CSTF3: variants seen among roughly 807,000 people sequenced by gnomAD.
CSTF3 encodes cleavage stimulation factor subunit 3.
A neutral mutation model predicts 105.8 loss-of-function variants in CSTF3; 29 were observed. That is an observed-to-expected ratio of 0.27 (90% confidence interval 0.20 to 0.37). The LOEUF is 0.37. CSTF3 is among the 10% of genes least tolerant of loss of function. The pLI is 1.00. For missense variants in CSTF3, 357 were observed against 879.3 expected, an observed-to-expected ratio of 0.41 and a Z score of 7.51; for synonymous variants, 252 against 281.9, an observed-to-expected ratio of 0.89 and a Z score of 1.06.
chr11:33,103,482 T>A (rs1275198616), intron 8 of CSTF3, among the ~76,000 whole-genome samples: 1 of 151,928 alleles, frequency 6.6e-6, no homozygotes, highest in East Asian at 1.9e-4. Context: ...AAGATTCTAC[T>A]GAAAAAAAAA....
intron 3 of CSTF3, among the ~76,000 whole-genome samples, chr11:33,124,585 A>G (rs1590275631): frequency 6.6e-6 from 1 of 152,192 alleles, no homozygotes; most frequent in South Asian, 2.1e-4. Flanking sequence ...CCACCAATTC[A>G]AATTCCAGTA....
At chr11:33,098,869 T>C (rs1476347921) in intron 12 of CSTF3, 105 bp from the exon 13 acceptor site, 4 of 1,231,006 alleles carry the variant, frequency 3.2e-6, no homozygotes, top group Non-Finnish European at 4.5e-6. Flanking sequence ...CAATGGCATC[T>C]CCATTGAGCA....
intron 1 of CSTF3, among the ~76,000 whole-genome samples, chr11:33,142,988 A>G (rs549343282): frequency 6.6e-6 from 1 of 152,312 alleles, no homozygotes; most frequent in East Asian, 1.9e-4. Context: ...AGATCCTCTG[A>G]AAGTCCTTAG....
At chr11:33,154,809 T>C (rs1409003124) in intron 1 of CSTF3, among the ~76,000 whole-genome samples, 4 of 152,068 alleles carry the variant, frequency 2.6e-5, no homozygotes, top group Admixed American at 6.6e-5. Context: ...GAGACTTTCA[T>C]AGAGGAGTAA....
chr11:33,141,316 T>G, intron 3 of CSTF3: 1 of 340,078 alleles, frequency 2.9e-6, no homozygotes, highest in Non-Finnish European at 4.6e-6. Flanking sequence ...TTTCATATAC[T>G]CCCATTCATA....
chr11:33,091,610 G>A lies in CSTF3; in HGVS notation c.1445+661C>T, dbSNP rs78605845. ...AGACATAATATGTAAAACAAACTTTGAATTTACAAGAGTCTTTGCTTTTGA... is the reference window on the plus strand; with the variant it reads ...AGACATAATATGTAAAACAAACTTTAAATTTACAAGAGTCTTTGCTTTTGA... On this transcript the variant is annotated intron_variant, in intron 16 of 20. Coordinates refer to ENST00000323959, the MANE Select transcript of CSTF3 (RefSeq NM_001326.3). 2.4e-3 allele frequency among the ~76,000 whole-genome samples: 373 copies of A among 152,252 alleles called. 1 individual carries two copies. Among genetic ancestry groups the A allele is most frequent in the African/African-American group, 8.3e-3 (347 of 41,558 alleles).
chr11:33,085,674 CG>C, intron 20 of CSTF3, 38 bp downstream of exon 20: 1 of 1,535,070 alleles, frequency 6.5e-7, no homozygotes, highest in African/African-American at 1.4e-5. Flanking sequence ...GAGACAACAA[CG>C]TGGAATGACA....
chr11:33,095,081 G>T (rs1855205574), intron 15 of CSTF3, among the ~76,000 whole-genome samples: 1 of 151,964 alleles, frequency 6.6e-6, no homozygotes, highest in Non-Finnish European at 1.5e-5. Context: ...TATATTTTTA[G>T]TAGAGACAGG....
intron 5 of CSTF3, among the ~76,000 whole-genome samples, 194 bp from the exon 6 acceptor site, chr11:33,106,258 T>C (rs998245996): frequency 4.6e-5 from 7 of 151,560 alleles, no homozygotes; most frequent in Admixed American, 4.6e-4. Context: ...AAAATAAAAA[T>C]TAAAAAAATT....
chr11:33,125,910 A>G (rs192771966), intron 3 of CSTF3, among the ~76,000 whole-genome samples: 5 of 152,276 alleles, frequency 3.3e-5, no homozygotes, highest in African/African-American at 9.6e-5. Flanking sequence ...TTAGTGCTGT[A>G]AGTTCAATGT....
rs1193332517 is a variant in CSTF3 at position 33,099,280 on chromosome 11, T to C, written c.937-130A>G. ...AAGCATACATGTATGTACACACATA[T>C]ATATGTATCCACACACACACATACA... is the stretch of plus-strand genomic sequence containing the variant. On this transcript the variant is annotated intron_variant, in intron 11 of 20. Transcript: ENST00000323959. The surrounding 1 kb of genome is among the most constrained non-coding windows in gnomAD (Gnocchi z 4.1). 13 of 1,143,474 alleles carry C rather than the reference T, an allele frequency of 1.1e-5. No individual in the cohort carries two copies. Among genetic ancestry groups the C allele is most frequent in the Non-Finnish European group, 1.6e-5 (13 of 821,170 alleles). 70.8% of individuals were successfully genotyped at this position (1,143,474 alleles called of 1,614,324 possible).
At chr11:33,112,740 C>T (rs958182853) in intron 3 of CSTF3, among the ~76,000 whole-genome samples, 1 of 152,042 alleles carries the variant, frequency 6.6e-6, no homozygotes, top group Non-Finnish European at 1.5e-5. Flanking sequence ...AACATCTTAG[C>T]TATAAGTATT....
intron 3 of CSTF3, among the ~76,000 whole-genome samples, chr11:33,129,646 G>T (rs1043201651): frequency 4.6e-5 from 7 of 152,160 alleles, no homozygotes; most frequent in African/African-American, 1.4e-4. Flanking sequence ...TTAAGGACTA[G>T]TCCTCCACAT....
intron 9 of CSTF3, 46 bp from the exon 10 acceptor site, chr11:33,102,385 G>A: frequency 2.5e-6 from 4 of 1,590,718 alleles, no homozygotes; most frequent in Non-Finnish European, 3.4e-6. Flanking sequence ...AGGAACAACT[G>A]AGATATATGG....
intron 3 of CSTF3, among the ~76,000 whole-genome samples, chr11:33,111,391 C>G (rs1026056573): frequency 6.6e-6 from 1 of 151,990 alleles, no homozygotes; most frequent in East Asian, 1.9e-4. Flanking sequence ...ATGTATTCAG[C>G]TTTAACAGGT....
At chr11:33,108,284 T>C (rs1855346235) in intron 4 of CSTF3, 102 bp downstream of exon 4, 6 of 1,078,624 alleles carry the variant, frequency 5.6e-6, no homozygotes, top group Non-Finnish European at 7.5e-6. Context: ...AAAAAATCAC[T>C]ATCTAGATTC....
intron 3 of CSTF3, among the ~76,000 whole-genome samples, chr11:33,109,417 A>G (rs1434841432): frequency 6.6e-6 from 1 of 152,150 alleles, no homozygotes; most frequent in Non-Finnish European, 1.5e-5. Context: ...TTTTGCTGAT[A>G]ACTTGTTCTC....
intron 3 of CSTF3, among the ~76,000 whole-genome samples, chr11:33,119,358 T>C (rs943520934): frequency 1.3e-5 from 2 of 151,880 alleles, no homozygotes; most frequent in African/African-American, 2.4e-5. Context: ...CATGTAACTT[T>C]CTTGTTGGCA....
chr11:33,154,147 T>C (rs1423085446), intron 1 of CSTF3, among the ~76,000 whole-genome samples: 1 of 152,214 alleles, frequency 6.6e-6, no homozygotes, highest in Non-Finnish European at 1.5e-5. Flanking sequence ...AAAACCACTG[T>C]GGTACCTGTT....
Sources: gnomAD v4.1 joint callset for allele counts (sites outside exome capture counted in the v4.1 genomes callset) on GRCh38, gnomAD v4.1.1 for gene constraint, Gnocchi (gnomAD v3.1) non-coding constraint, MANE v1.5 for transcripts, NCBI Gene and HGNC (gene_info 2026-07-23, HGNC 2026-07-21) for gene names.